Variants in KIF23 observed in about 807,000 individuals in gnomAD.
The protein encoded by KIF23 is kinesin family member 23, also known as kinesin-like protein KIF23.
KIF23 carries 30 observed loss-of-function variants against 137.5 expected under a neutral mutation model. The ratio of observed to expected loss-of-function variants is 0.22; its 90% confidence interval spans 0.16 to 0.30. The LOEUF is 0.30. Ranked by LOEUF, KIF23 falls within the 10% of genes least tolerant of loss-of-function variation. The probability of loss-of-function intolerance (pLI) is 1.00; values close to 1 mark genes in which losing one functional copy is unlikely to be tolerated. For missense variants in KIF23, 920 were observed against 1,194.3 expected (o/e 0.77, Z 3.38); for synonymous variants, 367 against 391.1 (o/e 0.94, Z 0.73).
Position 69,444,833 on chromosome 15 carries a change from G to A in KIF23, c.2465G>A (p.Arg822Gln), listed in dbSNP as rs143795657. 2.7e-5 allele frequency: 44 copies of A among 1,613,926 alleles called. No homozygotes were observed. Among genetic ancestry groups the A allele is most frequent in the Non-Finnish European group, 3.4e-5 (40 of 1,180,016 alleles). The change falls in exon 20 of 24, where the codon CGA becomes CAA. Residue 822 changes from arginine (R) to glutamine (Q), a missense_variant. Around this residue, in one of 4 missense-constraint regions of KIF23, gnomAD observed 714 missense variants for 866.2 expected, o/e 0.82. Transcript: ENST00000679126. The surrounding 1 kb of genome is among the most constrained non-coding windows in gnomAD (Gnocchi z 4.2). ...CAGAACGCACCACCAATTCGTCTCC[G>A]ACACAGACGATCACGCTCTGCAGGA... is the stretch of plus-strand genomic sequence containing the variant. The part of the protein sequence containing the change: ...PDQNAPPIRL[R>Q]HRRSRSAGDR...
chr15:69,431,659 T>C (rs1178141420), intron 11 of KIF23, among the ~76,000 whole-genome samples: 1 of 151,126 alleles, frequency 6.6e-6, no homozygotes, highest in Non-Finnish European at 1.5e-5. Context: ...TGAGATAAGA[T>C]AATTCATAGC....
chr15:69,445,035 A>G lies in KIF23; in HGVS notation c.2667A>G (p.Leu889=), dbSNP rs1260166709. Residue 889 remains leucine (L), a synonymous_variant, in exon 20 of 24, where the codon CTA becomes CTG. Transcript: ENST00000679126. ...LASDGEIETK[L]IKGDIYKTRG... ...CCGATGGGGAGATTGAAACTAAACT[A>G]ATTAAGGTAAAAAACTAATTTTCAC... is the stretch of plus-strand genomic sequence containing the variant. 6.3e-7 allele frequency: 1 copy of G among 1,597,082 alleles called. No individual in the cohort carries two copies. The highest frequency in any genetic ancestry group is 1.8e-5 in the Admixed American group (1 of 56,018).
At chr15:69,424,175 T>C (rs901561164) in intron 7 of KIF23, among the ~76,000 whole-genome samples, 1 of 152,218 alleles carries the variant, frequency 6.6e-6, no homozygotes, top group African/African-American at 2.4e-5. Flanking sequence ...ATTTATGGAC[T>C]CTGGTTGAGG....
chr15:69,448,079 T>C lies in KIF23; in HGVS notation c.*272T>C. Reference sequence around the variant, plus strand: ...TTTTTTCATCACTGTATGAATTTTTTATAATGTTTTTTTAAAATATATTTC... The same window carrying C: ...TTTTTTCATCACTGTATGAATTTTTCATAATGTTTTTTTAAAATATATTTC... On this transcript the variant is annotated 3_prime_UTR_variant, in exon 24 of 24. Coordinates refer to ENST00000679126, the MANE Select transcript of KIF23 (RefSeq NM_001367805.3). 3.7e-6 allele frequency: 1 copy of C among 270,872 alleles called. No homozygotes were observed. Among genetic ancestry groups the C allele is most frequent in the East Asian group, 6.2e-5 (1 of 16,260 alleles). The allele number at this position is 270,872 out of a possible 1,614,324, so 16.8% of individuals were successfully genotyped here. A position where few individuals can be genotyped will look rare whatever the true frequency, so the allele number is the denominator to read the frequency against.
intron 11 of KIF23, chr15:69,434,836 C>G: frequency 1.1e-6 from 1 of 896,896 alleles, no homozygotes; most frequent in Non-Finnish European, 1.8e-6. Flanking sequence ...GCAGTAATGT[C>G]CAGGCACAGG....
Position 69,447,713 on chromosome 15 carries a change from G to A in KIF23, c.2910-79G>A, listed in dbSNP as rs897733850. The A allele has an allele frequency of 1.2e-5, 16 of 1,376,928 alleles. No individual in the cohort carries two copies. The African/African-American group carries it at 2.1e-4, about 18-fold the overall frequency. The allele number at this position is 1,376,928 out of a possible 1,614,324, so 85.3% of individuals were successfully genotyped here. A position where few individuals can be genotyped will look rare whatever the true frequency, so the allele number is the denominator to read the frequency against. On this transcript the variant is annotated intron_variant, in intron 23 of 23. Transcript: ENST00000679126. ...TCATCATAAAACAGCAGTTCTCAAA[G>A]GCCTCCTAAAGATTGATTTGCTATG...
intron 11 of KIF23, among the ~76,000 whole-genome samples, chr15:69,432,171 G>A (rs1055543860): frequency 6.6e-6 from 1 of 152,094 alleles, no homozygotes; most frequent in Non-Finnish European, 1.5e-5. Context: ...GATGCTTTGG[G>A]GAAAAGCTAG....
At chr15:69,420,404 G>T (rs1050671159) in intron 3 of KIF23, among the ~76,000 whole-genome samples, 4 of 152,170 alleles carry the variant, frequency 2.6e-5, no homozygotes, top group Non-Finnish European at 4.4e-5. Context: ...AGGACTGTGA[G>T]GTCATCTATC....
At chr15:69,431,289 C>T (rs559100453) in intron 11 of KIF23, among the ~76,000 whole-genome samples, 55 of 152,320 alleles carry the variant, frequency 3.6e-4, no homozygotes, top group African/African-American at 1.3e-3. Flanking sequence ...GAGATTTTGA[C>T]TTGAGGTTTA....
In KIF23 at chr15:69,445,003, C is replaced by A; in HGVS notation, c.2635C>A (p.Leu879Ile). ...CEKYMLTHQELASDGEIETKL... is the reference protein window; with the variant it reads ...CEKYMLTHQEIASDGEIETKL... The stretch of plus-strand genomic sequence containing the variant: ...GAAGTACATGCTGACCCACCAGGAA[C>A]TAGCCTCCGATGGGGAGATTGAAAC... The change falls in exon 20 of 24, where the codon CTA becomes ATA. Residue 879 changes from leucine to isoleucine, a missense_variant. Coordinates refer to ENST00000679126, the MANE Select transcript of KIF23 (RefSeq NM_001367805.3). 1 of 1,614,072 alleles carries A rather than the reference C, an allele frequency of 6.2e-7. No individual in the cohort carries two copies. The highest frequency in any genetic ancestry group is 1.1e-5 in the South Asian group (1 of 91,076).
In KIF23 at chr15:69,417,498, G is replaced by A; in HGVS notation, c.197G>A (p.Gly66Glu). ...TPEGYRLNRNGDYKETQYSFK... is the reference protein window; with the variant it reads ...TPEGYRLNRNEDYKETQYSFK... The stretch of plus-strand genomic sequence containing the variant: ...GAGGGCTACAGACTCAACCGAAATG[G>A]AGACTATAAGGAGGTAATTCTGATT... The change falls in exon 3 of 24, where the codon GGA becomes GAA. Residue 66 changes from glycine (G) to glutamate (E), a missense_variant. Gly to Glu is a moderately conservative substitution (Grantham distance 98). Coordinates refer to ENST00000679126, the MANE Select transcript of KIF23 (RefSeq NM_001367805.3). 6.2e-7 allele frequency: 1 copy of A among 1,613,426 alleles called. No individual in the cohort carries two copies. Among genetic ancestry groups the A allele is most frequent in the Non-Finnish European group, 8.5e-7 (1 of 1,179,716 alleles).
chr15:69,429,316 T>C (rs1357459772), intron 11 of KIF23, 103 bp downstream of exon 11: 1 of 768,968 alleles, frequency 1.3e-6, no homozygotes, highest in Non-Finnish European at 2.1e-6. Context: ...TTTTAATTTT[T>C]ATTTTATTGA....
chr15:69,422,368 G>A lies in KIF23; in HGVS notation c.496G>A (p.Glu166Lys), dbSNP rs924358072. The A allele has an allele frequency of 9.3e-6, 15 of 1,611,222 alleles. No homozygotes were observed. Among genetic ancestry groups the A allele is most frequent in the Non-Finnish European group, 1.3e-5 (15 of 1,177,814 alleles). ...NDRNSMDIQC[E>K]VDALLERQKR... The stretch of plus-strand genomic sequence containing the variant: ...TAGGAATAGTATGGATATACAGTGT[G>A]AGGTTGATGCCTTATTAGAACGTCA... The change falls in exon 6 of 24, where the codon GAG becomes AAG. Residue 166 changes from glutamate to lysine, a missense_variant. Glu to Lys is a moderately conservative substitution (Grantham distance 56). Transcript: ENST00000679126.
rs756126957 is a variant in KIF23 at position 69,417,487 on chromosome 15, C to G, written c.186C>G (p.Leu62=). The G allele has an allele frequency of 3.7e-6, 6 of 1,613,550 alleles. No individual in the cohort carries two copies. The highest frequency in any genetic ancestry group is 4.2e-6 in the Non-Finnish European group (5 of 1,179,812). The change falls in exon 3 of 24, where the codon CTC becomes CTG. Residue 62 remains leucine (L), a synonymous_variant. Transcript: ENST00000679126. ...VQLHTPEGYR[L]NRNGDYKETQ... is the part of the protein sequence containing the mutation. The stretch of plus-strand genomic sequence containing the variant: ...TTCATACTCCTGAGGGCTACAGACT[C>G]AACCGAAATGGAGACTATAAGGAGG...
chr15:69,427,211 C>CTACACCATTTTA (rs2057219484), intron 10 of KIF23, among the ~76,000 whole-genome samples: 1 of 152,152 alleles, frequency 6.6e-6, no homozygotes, highest in East Asian at 1.9e-4. Context: ...TATGAAAATA[C>CTACACCATTTTA]TACACCATTT....
chr15:69,439,873 A>G, intron 16 of KIF23, 31 bp from the exon 17 acceptor site: 1 of 1,517,898 alleles, frequency 6.6e-7, no homozygotes, highest in Non-Finnish European at 9.0e-7. Context: ...TTTATATACC[A>G]AATATTGAAC....
chr15:69,419,228 A>G (rs2056992911), intron 3 of KIF23, among the ~76,000 whole-genome samples: 1 of 152,224 alleles, frequency 6.6e-6, no homozygotes, highest in Non-Finnish European at 1.5e-5. Flanking sequence ...TGCTTTGGGT[A>G]TCATTGACAA....
At chr15:69,416,885 G>A (rs926137105) in intron 2 of KIF23, among the ~76,000 whole-genome samples, 4 of 152,126 alleles carry the variant, frequency 2.6e-5, no homozygotes, top group African/African-American at 9.7e-5. Flanking sequence ...AACCCAGGAG[G>A]TTGCAGTGAG....
At position 69,443,560 on chromosome 15, in the gene KIF23, G is replaced by A. The variant is rs542368297; in HGVS notation, c.2422-1230G>A. 5 of 151,674 alleles carry A rather than the reference G, an allele frequency of 3.3e-5. No homozygotes were observed. In the South Asian group the frequency reaches 1.0e-3, roughly 32 times the overall value. 9.4% of individuals were successfully genotyped at this position (151,674 alleles called of 1,614,324 possible). A position where few individuals can be genotyped will look rare whatever the true frequency, so the allele number is the denominator to read the frequency against. On this transcript the variant is annotated intron_variant, in intron 19 of 23. Coordinates refer to ENST00000679126, the MANE Select transcript of KIF23 (RefSeq NM_001367805.3). ...TCTTACATTGCCTAAGCTGGTCTCG[G>A]GTGATCCTTCTCCCACCTCAGCCTC...
Sources: gnomAD v4.1 joint callset for allele counts (sites outside exome capture counted in the v4.1 genomes callset) on GRCh38, gnomAD v4.1.1 for gene constraint, gnomAD v4.1.1 regional missense constraint, Gnocchi (gnomAD v3.1) non-coding constraint, MANE v1.5 for transcripts, NCBI Gene and HGNC (gene_info 2026-07-23, HGNC 2026-07-21) for gene names.